NUP160: variants seen among roughly 807,000 people sequenced by gnomAD.
NUP160 encodes nuclear pore complex protein Nup160.
NUP160 carries 94 observed loss-of-function variants against 196.9 expected under a neutral mutation model. That is an observed-to-expected ratio of 0.48 (90% CI 0.40 to 0.57). The LOEUF is 0.57. Ranked by LOEUF, NUP160 falls within the 20% of genes least tolerant of loss-of-function variation. NUP160 has a pLI of 0.00. For synonymous variants in NUP160, 605 were observed against 619.7 expected (o/e 0.98, Z 0.35); for missense variants, 1,638 against 1,748.3 (o/e 0.94, Z 1.13).
intron 7 of NUP160, chr11:47,827,170 C>A (rs1851985007): frequency 2.2e-6 from 1 of 455,570 alleles, no homozygotes; most frequent in South Asian, 1.5e-5. Flanking sequence ...AGTTTGAGAC[C>A]AGGCAACATG....
chr11:47,812,126 G>T, exon 17 of NUP160: 4 of 1,614,098 alleles, frequency 2.5e-6, no homozygotes, highest in Non-Finnish European at 3.4e-6. Flanking sequence ...ATCAGGAAAC[G>T]AGTACTGGCG....
intron 7 of NUP160, among the ~76,000 whole-genome samples, chr11:47,826,241 G>A (rs759330506): frequency 6.6e-6 from 1 of 152,044 alleles, no homozygotes; most frequent in Non-Finnish European, 1.5e-5. Context: ...CCGAGTAGCC[G>A]GAACTATACA....
At chr11:47,798,223 A>G in exon 25 of NUP160, 1 of 1,612,744 alleles carries the variant, frequency 6.2e-7, no homozygotes, top group Non-Finnish European at 8.5e-7. Flanking sequence ...TTGTGACCCA[A>G]ATCCAAATGA....
At chr11:47,784,267 C>T (rs907944079) in intron 33 of NUP160, among the ~76,000 whole-genome samples, 4 of 152,130 alleles carry the variant, frequency 2.6e-5, no homozygotes, top group Non-Finnish European at 5.9e-5. Flanking sequence ...AGAAGACTGC[C>T]ATCTGAATAA....
chr11:47,838,976 C>A lies in NUP160; in HGVS notation c.748+867G>T, dbSNP rs182926584. Among the ~76,000 whole-genome samples, 439 of 150,568 alleles carry A rather than the reference C, an allele frequency of 2.9e-3. 1 individual carries two copies. Among genetic ancestry groups the A allele is most frequent in the Non-Finnish European group, 4.9e-3 (330 of 67,674 alleles). On this transcript the variant is annotated intron_variant, in intron 4 of 35. Transcript: ENST00000378460. The stretch of plus-strand genomic sequence containing the variant: ...CTGAGATCATGCCACTGTACTCCAG[C>A]CTGGGCGACAGAGAGAAATCCCATC...
chr11:47,819,496 A>G (rs747792236), intron 9 of NUP160, 38 bp from the exon 10 acceptor site: 16 of 1,438,654 alleles, frequency 1.1e-5, no homozygotes, highest in Non-Finnish European at 1.4e-5. Context: ...TACAGAAATG[A>G]TCACTAAAAA....
At chr11:47,811,639 G>A (rs1034499867) in intron 17 of NUP160, among the ~76,000 whole-genome samples, 20 of 152,024 alleles carry the variant, frequency 1.3e-4, no homozygotes, top group African/African-American at 4.8e-4. Flanking sequence ...ACATACAAAG[G>A]TTAAGAGTAA....
At chr11:47,831,352 TAAC>T (rs1852069018) in intron 7 of NUP160, among the ~76,000 whole-genome samples, 1 of 152,220 alleles carries the variant, frequency 6.6e-6, no homozygotes, top group South Asian at 2.1e-4. Flanking sequence ...AAAAGTCAGA[TAAC>T]AACAAGTGTT....
intron 7 of NUP160, among the ~76,000 whole-genome samples, chr11:47,825,846 A>G (rs1851956110): frequency 6.6e-6 from 1 of 152,204 alleles, no homozygotes; most frequent in African/African-American, 2.4e-5. Flanking sequence ...GGCCTTCTAA[A>G]GTGCTGGGAT....
intron 20 of NUP160, 45 bp downstream of exon 20, chr11:47,806,108 C>A: frequency 6.3e-7 from 1 of 1,591,648 alleles, no homozygotes; most frequent in Non-Finnish European, 8.6e-7. Flanking sequence ...GCCAACATGC[C>A]CGGCCAGAAG....
At chr11:47,815,897 C>G in intron 12 of NUP160, 49 bp downstream of exon 12, 2 of 1,401,772 alleles carry the variant, frequency 1.4e-6, no homozygotes, top group Non-Finnish European at 2.0e-6. Flanking sequence ...CCAATCTGCC[C>G]TATATCAAGA....
intron 27 of NUP160, among the ~76,000 whole-genome samples, chr11:47,797,073 C>A (rs911653083): frequency 6.6e-6 from 1 of 152,108 alleles, no homozygotes; most frequent in Non-Finnish European, 1.5e-5. Flanking sequence ...ACAGCTAATG[C>A]GGAATATCAT....
chr11:47,782,306 ATATATATATATATATATATATATATAT>A lies in NUP160; in HGVS notation c.4116+740_4116+766del, dbSNP rs2097661765. Among the ~76,000 whole-genome samples the A allele has an allele frequency of 2.1e-4, 9 of 42,350 alleles. 1 individual carries two copies. Among genetic ancestry groups the A allele is most frequent in the East Asian group, 6.6e-4 (1 of 1,518 alleles). The allele number at this position is 42,350 out of a possible 152,430, so 27.8% of individuals were successfully genotyped here. A position where few individuals can be genotyped will look rare whatever the true frequency, so the allele number is the denominator to read the frequency against. ...AACTCAGTTAAAAAAAAAAAAAAAT[ATATATATATATATATATATATATATAT>A]ATATATATATATATATATATATATG... On this transcript the variant is annotated intron_variant, in intron 34 of 35. Transcript: ENST00000378460.
At chr11:47,804,400 G>A (rs750650814) in intron 21 of NUP160, 149 bp downstream of exon 21, 1 of 585,084 alleles carries the variant, frequency 1.7e-6, no homozygotes, top group Admixed American at 4.0e-5. Flanking sequence ...TATAGAAATA[G>A]AGAACAATCT....
chr11:47,847,648 T>TGGG (rs56283744), intron 2 of NUP160, among the ~76,000 whole-genome samples, 200 bp downstream of exon 2: 8 of 77,486 alleles, frequency 1.0e-4, no homozygotes, highest in Admixed American at 4.7e-4. Flanking sequence ...TGTGTGGGGG[T>TGGG]GGGGGGGGGG....
chr11:47,803,835 A>C (rs1033086086), intron 21 of NUP160, among the ~76,000 whole-genome samples: 1 of 152,202 alleles, frequency 6.6e-6, no homozygotes, highest in Non-Finnish European at 1.5e-5. Flanking sequence ...TTTATATGAA[A>C]ACAATAGTAC....
rs1565184658 is a variant in NUP160, at chr11:47,782,339, T to TGC, written c.4116+733_4116+734insGC. On this transcript the variant is annotated intron_variant, in intron 34 of 35. Coordinates refer to ENST00000378460, the Ensembl canonical transcript of NUP160. ...ATATATATATATATATATATATATATATATATATATATATATATGCGCCTA... is the reference window on the plus strand; with the variant it reads ...ATATATATATATATATATATATATATGCATATATATATATATATATGCGCCTA... 1.1e-3 allele frequency among the ~76,000 whole-genome samples: 112 copies of TGC among 97,934 alleles called. 11 individuals are homozygous for TGC. Among genetic ancestry groups the TGC allele is most frequent in the Non-Finnish European group, 1.9e-3 (92 of 48,562 alleles). The allele number at this position is 97,934 out of a possible 152,430, so 64.2% of individuals were successfully genotyped here. A position where few individuals can be genotyped will look rare whatever the true frequency, so the allele number is the denominator to read the frequency against.
intron 4 of NUP160, among the ~76,000 whole-genome samples, chr11:47,839,122 G>A (rs1852244950): frequency 1.3e-5 from 2 of 152,072 alleles, no homozygotes; most frequent in Non-Finnish European, 2.9e-5. Context: ...ATGGAGTTTC[G>A]CTCTTGTTGC....
chr11:47,815,382 G>T, intron 13 of NUP160, 97 bp downstream of exon 13: 1 of 893,826 alleles, frequency 1.1e-6, no homozygotes, highest in Non-Finnish European at 1.6e-6. Context: ...CTAACATTCG[G>T]CAAGAGCCAC....
Sources: gnomAD v4.1 joint callset for allele counts (sites outside exome capture counted in the v4.1 genomes callset) on GRCh38, gnomAD v4.1.1 for gene constraint, MANE v1.5 for transcripts, NCBI Gene and HGNC (gene_info 2026-07-23, HGNC 2026-07-21) for gene names.